The following PBRM1 variants were observed in gnomAD, a reference collection of about 807,000 sequenced individuals.
PBRM1 encodes polybromo 1, also known as protein polybromo-1.
Under a neutral mutation model 194.5 loss-of-function variants are expected in PBRM1, and 27 were observed. The observed-to-expected ratio is 0.14, with a 90% CI of 0.10 to 0.19. PBRM1 has a LOEUF of 0.19. PBRM1 is among the 10% of genes least tolerant of loss of function. The pLI is 1.00. For synonymous variants in PBRM1, 655 were observed against 693.2 expected (o/e 0.94, Z 0.87); for missense variants, 1,466 against 2,077.2 (o/e 0.71, Z 5.72).
At chr3:52,566,397 T>A (rs2085221184) in intron 22 of PBRM1, among the ~76,000 whole-genome samples, 1 of 152,110 alleles carries the variant, frequency 6.6e-6, no homozygotes, top group Admixed American at 6.5e-5. Flanking sequence ...GTAAGAGCAG[T>A]TTTACTCACA....
chr3:52,566,010 A>G (rs927292930), intron 22 of PBRM1, among the ~76,000 whole-genome samples: 4 of 152,256 alleles, frequency 2.6e-5, no homozygotes, highest in African/African-American at 7.2e-5. Context: ...AGATTGCGCC[A>G]CTGCACTCCA....
At chr3:52,607,510 A>C (rs1478472452) in intron 16 of PBRM1, among the ~76,000 whole-genome samples, 1 of 152,232 alleles carries the variant, frequency 6.6e-6, no homozygotes, top group Non-Finnish European at 1.5e-5. Flanking sequence ...CATCTATAAG[A>C]CATAAACGAA....
chr3:52,643,813 T>C (rs1472075779), intron 8 of PBRM1, among the ~76,000 whole-genome samples: 1 of 152,006 alleles, frequency 6.6e-6, no homozygotes, highest in African/African-American at 2.4e-5. Context: ...CTACTAAAAA[T>C]ACAAAAAGAT....
chr3:52,597,144 C>G (rs1327760354), intron 17 of PBRM1, among the ~76,000 whole-genome samples: 1 of 152,198 alleles, frequency 6.6e-6, no homozygotes, highest in Admixed American at 6.5e-5. Context: ...CAAAGATTCT[C>G]TGTGTCACAC....
At chr3:52,565,240 T>A (rs2084787516) in intron 22 of PBRM1, among the ~76,000 whole-genome samples, 1 of 151,722 alleles carries the variant, frequency 6.6e-6, no homozygotes, top group Non-Finnish European at 1.5e-5. Context: ...GTGCAGTGGC[T>A]CATGCCTGTA....
At chr3:52,597,728 G>A (rs1229792701) in intron 17 of PBRM1, among the ~76,000 whole-genome samples, 1 of 152,070 alleles carries the variant, frequency 6.6e-6, no homozygotes, top group African/African-American at 2.4e-5. Flanking sequence ...CTACTCGGGA[G>A]AGTCTCACTG....
intron 10 of PBRM1, among the ~76,000 whole-genome samples, chr3:52,641,048 GATCA>G (rs1415769437): frequency 2.0e-5 from 3 of 152,186 alleles, no homozygotes; most frequent in Non-Finnish European, 4.4e-5. Flanking sequence ...TAATTCTGTA[GATCA>G]ATGTTTCAAA....
intron 18 of PBRM1, 59 bp from the exon 21 acceptor site, chr3:52,587,569 ACT>A: frequency 2.1e-6 from 2 of 969,380 alleles, no homozygotes; most frequent in Non-Finnish European, 2.8e-6. Flanking sequence ...AACAGAAATC[ACT>A]TTTTTTTTTT....
intron 13 of PBRM1, among the ~76,000 whole-genome samples, chr3:52,624,067 A>G (rs1418179885): frequency 6.6e-6 from 1 of 152,230 alleles, no homozygotes; most frequent in Non-Finnish European, 1.5e-5. Context: ...CTTTCAAGGG[A>G]AAGTATGGTA....
intron 17 of PBRM1, among the ~76,000 whole-genome samples, chr3:52,596,191 G>A (rs558981640): frequency 2.6e-5 from 4 of 152,052 alleles, no homozygotes; most frequent in Non-Finnish European, 5.9e-5. Context: ...TGTAATCCCA[G>A]CACTTTGGGA....
intron 7 of PBRM1, among the ~76,000 whole-genome samples, 185 bp downstream of exon 8, chr3:52,648,159 G>A (rs1438430002): frequency 1.3e-5 from 2 of 152,108 alleles, no homozygotes; most frequent in African/African-American, 4.8e-5. Context: ...CACCCACCTA[G>A]GCTTCACAAA....
In PBRM1 at chr3:52,675,890, C is replaced by T. The variant is rs1003416250; in HGVS notation, c.236+2610G>A. On this transcript the variant is annotated intron_variant, in intron 2 of 29. Transcript: ENST00000296302. ...CAGCACTTTGGGAGGCCGAGGCGGG[C>T]GGATCACGAGGTCAGGAGATCGAGA... Among the ~76,000 whole-genome samples, 16 of 45,956 alleles carry T rather than the reference C, an allele frequency of 3.5e-4. 2 individuals are homozygous for T. Among genetic ancestry groups the T allele is most frequent in the Admixed American group, 1.7e-3 (6 of 3,630 alleles). The allele number at this position is 45,956 out of a possible 152,430, so 30.1% of individuals were successfully genotyped here.
intron 19 of PBRM1, 41 bp downstream of exon 21, chr3:52,587,312 T>A: frequency 7.2e-7 from 1 of 1,398,570 alleles, no homozygotes; most frequent in South Asian, 1.2e-5. Flanking sequence ...ATTTTATTCC[T>A]AGGGAATGAG....
chr3:52,619,923 T>A (rs1227225157), intron 13 of PBRM1, among the ~76,000 whole-genome samples: 1 of 152,218 alleles, frequency 6.6e-6, no homozygotes, highest in African/African-American at 2.4e-5. Context: ...ATCATCCTCA[T>A]AACTTGTGTC....
rs540592140 is a variant in PBRM1, at chr3:52,616,759, A to C, written c.1818+503T>G. ...AATTATTTAGAGGTACATTTATGGG[A>C]CTATCATGCTGATTTTTATATAATT... On this transcript the variant is annotated intron_variant, in intron 14 of 29. Coordinates refer to ENST00000296302, the Ensembl canonical transcript of PBRM1. Among the ~76,000 whole-genome samples, 11 of 152,366 alleles carry C rather than the reference A, an allele frequency of 7.2e-5. No individual in the cohort carries two copies. The East Asian group carries it at 1.9e-3, about 27-fold the overall frequency.
chr3:52,668,467 T>C, intron 3 of PBRM1, 31 bp downstream of exon 4: 1 of 1,500,870 alleles, frequency 6.7e-7, no homozygotes, highest in South Asian at 1.3e-5. Flanking sequence ...ATCTTCCAAT[T>C]GGTATCTTTC....
At chr3:52,613,171 C>T (rs1016608116) in intron 15 of PBRM1, among the ~76,000 whole-genome samples, 2 of 151,988 alleles carry the variant, frequency 1.3e-5, no homozygotes, top group Admixed American at 1.3e-4. Context: ...GATATCTGCA[C>T]ATATTACAGA....
chr3:52,566,737 G>A (rs1452934326), intron 22 of PBRM1, among the ~76,000 whole-genome samples: 2 of 152,160 alleles, frequency 1.3e-5, no homozygotes, highest in African/African-American at 4.8e-5. Flanking sequence ...GAACAGTGGT[G>A]ATAGCTGTAC....
At chr3:52,654,092 A>G (rs1277400300) in intron 5 of PBRM1, among the ~76,000 whole-genome samples, 1 of 152,128 alleles carries the variant, frequency 6.6e-6, no homozygotes, top group Non-Finnish European at 1.5e-5. Flanking sequence ...AAGTTGCCCA[A>G]ATATCAAAAG....
Sources: allele counts gnomAD v4.1 joint callset (sites outside exome capture counted in the v4.1 genomes callset), GRCh38; gene constraint gnomAD v4.1.1; transcripts MANE v1.5; gene names NCBI Gene and HGNC (gene_info 2026-07-23, HGNC 2026-07-21).